UVRAG: variants seen among roughly 807,000 people sequenced by gnomAD.
The protein encoded by UVRAG is UV radiation resistance-associated gene protein.
Under a neutral mutation model 78.0 loss-of-function variants are expected in UVRAG, and 19 were observed. The ratio of observed to expected loss-of-function variants is 0.24; its 90% CI spans 0.17 to 0.36. UVRAG has a LOEUF of 0.36. Among genes scored for constraint, UVRAG ranks in the 10% least tolerant of loss-of-function variants. The pLI, the probability that UVRAG is intolerant of heterozygous loss-of-function variation, is 1.00. For synonymous variants in UVRAG, 323 were observed against 324.6 expected (o/e 1.00, Z 0.05); for missense variants, 740 against 853.8 (o/e 0.87, Z 1.66).
chr11:76,131,302 G>C (rs1419030950), intron 14 of UVRAG, among the ~76,000 whole-genome samples: 1 of 152,012 alleles, frequency 6.6e-6, no homozygotes, highest in African/African-American at 2.4e-5. Context: ...TGATCCCATG[G>C]AGCTCAGCCT....
intron 4 of UVRAG, among the ~76,000 whole-genome samples, chr11:75,883,631 A>G (rs1947005503): frequency 6.6e-6 from 1 of 152,166 alleles, no homozygotes; most frequent in Non-Finnish European, 1.5e-5. Flanking sequence ...TGTGTTAAGG[A>G]TCCAGAGATT....
At chr11:75,981,348 G>A (rs1248414730) in intron 7 of UVRAG, among the ~76,000 whole-genome samples, 1 of 152,142 alleles carries the variant, frequency 6.6e-6, no homozygotes, top group Non-Finnish European at 1.5e-5. Context: ...CTGGCCCCAA[G>A]TGATCTGCCC....
chr11:75,830,184 A>G (rs577469446), intron 1 of UVRAG, among the ~76,000 whole-genome samples: 3 of 152,058 alleles, frequency 2.0e-5, no homozygotes, highest in African/African-American at 7.2e-5. Context: ...ATACTGCATT[A>G]TACTCTAGTG....
chr11:76,110,317 T>C (rs1469144835), intron 13 of UVRAG, among the ~76,000 whole-genome samples: 2 of 151,952 alleles, frequency 1.3e-5, no homozygotes, highest in Non-Finnish European at 2.9e-5. Flanking sequence ...CTTTATCTTA[T>C]TTAAACTTTA....
rs531049447 is a variant in UVRAG, at chr11:76,023,273, T to G, written c.1226+6293T>G. ...CCTAGCTGTCAGCCAGAGGGGAAAG[T>G]GTAGGCCCTTCAGGTTTTTTCTGAA... On this transcript the variant is annotated intron_variant, in intron 12 of 14. Coordinates refer to ENST00000356136, the MANE Select transcript of UVRAG (RefSeq NM_003369.4). 3.9e-5 allele frequency among the ~76,000 whole-genome samples: 6 copies of G among 152,274 alleles called. No individual in the cohort carries two copies. The East Asian group carries it at 5.8e-4, about 15-fold the overall frequency.
At chr11:76,137,080 CA>C (rs572079438) in intron 14 of UVRAG, 125 of 190,900 alleles carry the variant, frequency 6.5e-4, no homozygotes, top group African/African-American at 2.8e-3. Context: ...CAATTCTGAA[CA>C]GCTAAAACTA....
intron 2 of UVRAG, among the ~76,000 whole-genome samples, chr11:75,860,036 C>T (rs1241061185): frequency 6.6e-6 from 1 of 152,290 alleles, no homozygotes; most frequent in African/African-American, 2.4e-5. Context: ...CCTCCACCTT[C>T]TGGGTTCAAG....
rs553533951 is a variant in UVRAG at position 76,139,800 on chromosome 11, A to G, written c.1398-911A>G. Among the ~76,000 whole-genome samples the G allele has an allele frequency of 1.8e-3, 275 of 152,242 alleles. 1 individual carries two copies. Among genetic ancestry groups the G allele is most frequent in the African/African-American group, 6.4e-3 (267 of 41,524 alleles). On this transcript the variant is annotated intron_variant, in intron 14 of 14. Transcript: ENST00000356136. ...AGGGTTTTTGTAAAGACTAAGTGAAATGATGTATAGGAAATTACTTCAGAA... is the reference window on the plus strand; with the variant it reads ...AGGGTTTTTGTAAAGACTAAGTGAAGTGATGTATAGGAAATTACTTCAGAA...
chr11:76,135,379 A>G (rs1319080784), intron 14 of UVRAG, among the ~76,000 whole-genome samples: 1 of 152,236 alleles, frequency 6.6e-6, no homozygotes, highest in East Asian at 1.9e-4. Context: ...ATCTTAATTT[A>G]GAGAGCTCAG....
At chr11:76,106,549 G>T (rs1007509618) in intron 13 of UVRAG, among the ~76,000 whole-genome samples, 1 of 151,296 alleles carries the variant, frequency 6.6e-6, no homozygotes, top group African/African-American at 2.4e-5. Flanking sequence ...TGTATTTTTA[G>T]TAGAGACAGG....
intron 7 of UVRAG, among the ~76,000 whole-genome samples, chr11:75,964,717 A>C (rs1181764260): frequency 6.6e-6 from 1 of 152,214 alleles, no homozygotes; most frequent in Non-Finnish European, 1.5e-5. Context: ...CCTGGCCAGT[A>C]TGGTGAAACC....
At chr11:75,998,871 T>A (rs1017200231) in intron 8 of UVRAG, among the ~76,000 whole-genome samples, 3 of 152,242 alleles carry the variant, frequency 2.0e-5, no homozygotes, top group African/African-American at 7.2e-5. Flanking sequence ...TTTGTTCTTC[T>A]GCAGGTAATG....
intron 1 of UVRAG, among the ~76,000 whole-genome samples, chr11:75,833,561 G>A (rs1054813111): frequency 6.0e-5 from 9 of 149,850 alleles, no homozygotes; most frequent in Non-Finnish European, 1.2e-4. Context: ...CTAACCCAGC[G>A]GCGCTAGAGG....
At chr11:76,004,901 C>T (rs1423458366) in intron 9 of UVRAG, among the ~76,000 whole-genome samples, 3 of 152,230 alleles carry the variant, frequency 2.0e-5, no homozygotes, top group Non-Finnish European at 4.4e-5. Flanking sequence ...ATTCGTTTAA[C>T]AAATGCCAAT....
chr11:75,945,899 CAAG>C (rs1948578661), intron 6 of UVRAG, among the ~76,000 whole-genome samples: 1 of 152,040 alleles, frequency 6.6e-6, no homozygotes, highest in African/African-American at 2.4e-5. Context: ...TTACCCCCTC[CAAG>C]AAGACTTTTG....
At chr11:76,036,902 A>C (rs750698959) in intron 12 of UVRAG, among the ~76,000 whole-genome samples, 4 of 152,192 alleles carry the variant, frequency 2.6e-5, no homozygotes, top group Non-Finnish European at 5.9e-5. Flanking sequence ...GAAATGGGAA[A>C]ACTGAATAGG....
At position 76,143,191 on chromosome 11, in the gene UVRAG, G is replaced by C. The variant is rs7926198; in HGVS notation, c.*1778G>C. ...GGAAGTAACATTTACCAAAAAAAAA[G>C]AAAAGTTCTGAAGGGCAGTGTTAGG... On this transcript the variant is annotated 3_prime_UTR_variant, in exon 15 of 15. Coordinates refer to ENST00000356136, the MANE Select transcript of UVRAG (RefSeq NM_003369.4). 6.6e-6 allele frequency: 1 copy of C among 151,774 alleles called. No homozygotes were observed. The highest frequency in any genetic ancestry group is 1.5e-5 in the Non-Finnish European group (1 of 67,992). 9.4% of individuals were successfully genotyped at this position (151,774 alleles called of 1,614,324 possible).
intron 5 of UVRAG, among the ~76,000 whole-genome samples, chr11:75,903,604 A>G (rs1166923014): frequency 6.6e-6 from 1 of 152,148 alleles, no homozygotes; most frequent in Non-Finnish European, 1.5e-5. Flanking sequence ...AATCCATCCC[A>G]AATACTGCCA....
At chr11:75,945,064 G>A (rs1163273158) in intron 6 of UVRAG, among the ~76,000 whole-genome samples, 14 of 152,110 alleles carry the variant, frequency 9.2e-5, no homozygotes, top group Admixed American at 9.2e-4. Flanking sequence ...TCTCAAGGCA[G>A]TTTCCCAGGA....
Sources: allele counts gnomAD v4.1 joint callset (sites outside exome capture counted in the v4.1 genomes callset), GRCh38; gene constraint gnomAD v4.1.1; transcripts MANE v1.5; gene names NCBI Gene and HGNC (gene_info 2026-07-23, HGNC 2026-07-21).